The following ZSWIM8 variants were observed in gnomAD, a reference collection of about 807,000 sequenced individuals.
ZSWIM8 encodes the protein zinc finger SWIM domain-containing protein 8.
Under a neutral mutation model 173.7 loss-of-function variants are expected in ZSWIM8, and 27 were observed. That is an observed-to-expected ratio of 0.16 (90% CI 0.11 to 0.21). The LOEUF is 0.21. Among genes scored for constraint, ZSWIM8 ranks in the 10% least tolerant of loss-of-function variants. The pLI is 1.00. For synonymous variants in ZSWIM8, 958 were observed against 962.0 expected, an observed-to-expected ratio of 1.00 and a Z score of 0.08; for missense variants, 1,627 against 2,428.8, an observed-to-expected ratio of 0.67 and a Z score of 6.94.
At chr10:73,787,089 A>G (rs2083254575) in intron 1 of ZSWIM8, among the ~76,000 whole-genome samples, 2 of 151,984 alleles carry the variant, frequency 1.3e-5, no homozygotes. Flanking sequence ...GATTACAGGC[A>G]TGTGTCACCA....
rs565742005 is a variant in ZSWIM8 at position 73,790,487 on chromosome 10, C to G, written c.941+195C>G. 2.2e-4 allele frequency among the ~76,000 whole-genome samples: 33 copies of G among 152,360 alleles called. No homozygotes were observed. The South Asian group carries it at 6.8e-3, about 32-fold the overall frequency. ...TTGTACAGTCACAGAGTGGTCTGCT[C>G]TTACCTAGCAAGAGTTCCTTTTCTT... is the stretch of plus-strand genomic sequence containing the variant. On this transcript the variant is annotated intron_variant, in intron 7 of 25. Coordinates refer to ENST00000604729, the MANE Select transcript of ZSWIM8 (RefSeq NM_001367799.1).
At chr10:73,796,385 G>A (rs977801258) in intron 15 of ZSWIM8, 2 of 421,954 alleles carry the variant, frequency 4.7e-6, no homozygotes, top group African/African-American at 4.2e-5. Context: ...AAAGAAAAGT[G>A]CTCTTCTGCC....
In ZSWIM8 at chr10:73,786,055, C is replaced by A. The variant is rs766830130; in HGVS notation, c.177C>A (p.Gly59=). Residue 59 remains glycine, a synonymous_variant, in exon 1 of 26, where the codon GGC becomes GGA. Transcript: ENST00000604729. ...AGPNSPTGGG[G]GGGSGGTRMR... ...CCAATTCCCCCACTGGCGGCGGTGG[C>A]GGAGGTGGCAGTGGCGGTACCAGAA... 3.1e-6 allele frequency: 5 copies of A among 1,589,908 alleles called. No individual in the cohort carries two copies. Among genetic ancestry groups the A allele is most frequent in the Non-Finnish European group, 4.3e-6 (5 of 1,166,954 alleles).
chr10:73,796,944 T>G lies in ZSWIM8; in HGVS notation c.3204T>G (p.Pro1068=). 6.2e-7 allele frequency: 1 copy of G among 1,613,976 alleles called. No individual in the cohort carries two copies. Among genetic ancestry groups the G allele is most frequent in the Non-Finnish European group, 8.5e-7 (1 of 1,179,842 alleles). Residue 1068 remains proline (P), a synonymous_variant, in exon 16 of 26, where the codon CCT becomes CCG. Transcript: ENST00000604729. Reference sequence around the variant, plus strand: ...CACTGACCTCAGGCTCTGCAGGGCCTGCTCAACCAGGGAGTGTGGCAGGGG... The same window carrying G: ...CACTGACCTCAGGCTCTGCAGGGCCGGCTCAACCAGGGAGTGTGGCAGGGG... ...LQPLTSGSAG[P]AQPGSVAGAG...
chr10:73,800,954 T>A lies in ZSWIM8; in HGVS notation c.5123-63T>A. 6.8e-7 allele frequency: 1 copy of A among 1,462,322 alleles called. No individual in the cohort carries two copies. Among genetic ancestry groups the A allele is most frequent in the Non-Finnish European group, 9.3e-7 (1 of 1,080,812 alleles). 90.6% of individuals were successfully genotyped at this position (1,462,322 alleles called of 1,614,324 possible). Reference sequence around the variant, plus strand: ...TCTGCCAGGCCAGAGCTGAGATCTGTAAGTTGGGTCCCTAGGGCAGAGGTG... The same window carrying A: ...TCTGCCAGGCCAGAGCTGAGATCTGAAAGTTGGGTCCCTAGGGCAGAGGTG... On this transcript the variant is annotated intron_variant, in intron 24 of 25. Coordinates refer to ENST00000604729, the MANE Select transcript of ZSWIM8 (RefSeq NM_001367799.1). This position sits in a 1 kb window ranked among gnomAD's most constrained non-coding sequence, Gnocchi z 4.1.
Position 73,785,831 on chromosome 10 carries a change from G to C in ZSWIM8, c.-48G>C. The C allele has an allele frequency of 2.1e-6, 3 of 1,463,310 alleles. No homozygotes were observed. Among genetic ancestry groups the C allele is most frequent in the Non-Finnish European group, 2.7e-6 (3 of 1,105,666 alleles). The allele number at this position is 1,463,310 out of a possible 1,614,324, so 90.6% of individuals were successfully genotyped here. On this transcript the variant is annotated 5_prime_UTR_variant, in exon 1 of 26. Coordinates refer to ENST00000604729, the MANE Select transcript of ZSWIM8 (RefSeq NM_001367799.1). ...CCCTCAACCCCCGGCCGGCGGCCCA[G>C]GCCCCGGATCCGCGGGGGGGGACCC...
At chr10:73,788,009 T>C (rs2132653570) in intron 1 of ZSWIM8, among the ~76,000 whole-genome samples, 1 of 152,342 alleles carries the variant, frequency 6.6e-6, no homozygotes. Flanking sequence ...TAAAACACTG[T>C]GGAAAACCTT....
rs2083345360 is a variant in ZSWIM8 at position 73,789,629 on chromosome 10, C to G, written c.631-88C>G. 1 of 1,549,412 alleles carries G rather than the reference C, an allele frequency of 6.5e-7. No individual in the cohort carries two copies. The highest frequency in any genetic ancestry group is 1.4e-5 in the African/African-American group (1 of 73,364). ...CCTGGCTACAATGTGAGCCCCCTCG[C>G]CTCGCCTACTCTGCCTCTCTGTCCC... On this transcript the variant is annotated intron_variant, in intron 4 of 25. Transcript: ENST00000604729. The surrounding 1 kb of genome is among the most constrained non-coding windows in gnomAD (Gnocchi z 6.8).
At position 73,797,258 on chromosome 10, in the gene ZSWIM8, G is replaced by A; in HGVS notation, c.3420G>A (p.Lys1140=). The A allele has an allele frequency of 6.2e-7, 1 of 1,613,888 alleles. No individual in the cohort carries two copies. Among genetic ancestry groups the A allele is most frequent in the Non-Finnish European group, 8.5e-7 (1 of 1,179,762 alleles). The part of the protein sequence containing the change: ...GRGWGSPGRP[K]KKHTGMASID... ...GATGGGGGTCCCCAGGACGGCCTAAGAAGAAGCACACAGGTAGGATAGCCT... is the reference window on the plus strand; with the variant it reads ...GATGGGGGTCCCCAGGACGGCCTAAAAAGAAGCACACAGGTAGGATAGCCT... Residue 1140 remains lysine (K), a synonymous_variant, in exon 17 of 26, where the codon AAG becomes AAA. Transcript: ENST00000604729. This position sits in a 1 kb window ranked among gnomAD's most constrained non-coding sequence, Gnocchi z 5.6.
chr10:73,793,846 G>A lies in ZSWIM8; in HGVS notation c.2446-19G>A, dbSNP rs1346733874. 3.1e-6 allele frequency: 5 copies of A among 1,594,758 alleles called. No individual in the cohort carries two copies. Among genetic ancestry groups the A allele is most frequent in the South Asian group, 1.1e-5 (1 of 88,604 alleles). Reference sequence around the variant, plus strand: ...AGTCAGAATCATCTGCCTGTCTCCTGTGTTTCTTCCCTTTCTAGGGCAAGA... The same window carrying A: ...AGTCAGAATCATCTGCCTGTCTCCTATGTTTCTTCCCTTTCTAGGGCAAGA... On this transcript the variant is annotated intron_variant, in intron 11 of 25. Transcript: ENST00000604729.
chr10:73,790,295 A>T lies in ZSWIM8; in HGVS notation c.941+3A>T, dbSNP rs2132675439. ...GGCCCCTCCCCTGTGGTCTTCAGGT[A>T]AATCGGATCTCTGCATACCTGTGTC... On this transcript the variant is annotated splice_donor_region_variant and intron_variant, in intron 7 of 25. Transcript: ENST00000604729. 6.2e-7 allele frequency: 1 copy of T among 1,601,558 alleles called. No individual in the cohort carries two copies. Among genetic ancestry groups the T allele is most frequent in the South Asian group, 1.1e-5 (1 of 88,574 alleles).
At position 73,791,175 on chromosome 10, in the gene ZSWIM8, A is replaced by T; in HGVS notation, c.1142A>T (p.Gln381Leu). 1.3e-6 allele frequency: 2 copies of T among 1,598,516 alleles called. No individual in the cohort carries two copies. The change falls in exon 8 of 26, where the codon CAG becomes CTG. Residue 381 changes from glutamine to leucine, a missense_variant and splice_region_variant. Around this residue, in one of 18 missense-constraint regions of ZSWIM8, gnomAD observed 38 missense variants for 106.1 expected, o/e 0.36. Coordinates refer to ENST00000604729, the MANE Select transcript of ZSWIM8 (RefSeq NM_001367799.1). This position sits in a 1 kb window ranked among gnomAD's most constrained non-coding sequence, Gnocchi z 6.0. Reference sequence around the variant, plus strand: ...ACTGACCAGTGCCTCACCTATGAACAGGTAATCACTCAGCGTTGGGGAGCC... The same window carrying T: ...ACTGACCAGTGCCTCACCTATGAACTGGTAATCACTCAGCGTTGGGGAGCC... ...ILTDQCLTYE[Q>L]ITGWWYSVRT...
In ZSWIM8 at chr10:73,790,153, G is replaced by C; in HGVS notation, c.821-19G>C. ...TCCAGGCCCCTATCTCTAGATGACT[G>C]ACTGCCTGTCATCCTCAGACCCCAC... On this transcript the variant is annotated intron_variant, in intron 6 of 25. Transcript: ENST00000604729. 1 of 1,611,080 alleles carries C rather than the reference G, an allele frequency of 6.2e-7. No homozygotes were observed. The highest frequency in any genetic ancestry group is 1.1e-5 in the South Asian group (1 of 90,602).
rs1445593677 is a variant in ZSWIM8 at position 73,791,275 on chromosome 10, G to C, written c.1144-49G>C. 3.8e-6 allele frequency: 6 copies of C among 1,579,870 alleles called. No individual in the cohort carries two copies. Among genetic ancestry groups the C allele is most frequent in the Non-Finnish European group, 5.2e-6 (6 of 1,156,874 alleles). ...AAATGGACTCTGGGAGGGCTACTCT[G>C]CCTTTCTCTGAGCTCTCAGGTGCAG... On this transcript the variant is annotated intron_variant, in intron 8 of 25. Transcript: ENST00000604729. This position sits in a 1 kb window ranked among gnomAD's most constrained non-coding sequence, Gnocchi z 6.0.
At position 73,798,417 on chromosome 10, in the gene ZSWIM8, T is replaced by C. The variant is rs373812599; in HGVS notation, c.4140T>C (p.Asn1380=). 6.8e-6 allele frequency: 11 copies of C among 1,612,652 alleles called. No individual in the cohort carries two copies. Among genetic ancestry groups the C allele is most frequent in the African/African-American group, 1.3e-5 (1 of 74,986 alleles). ...CLPHAHALNP[N]EIQRALVQCK... is the part of the protein sequence containing the mutation. The stretch of plus-strand genomic sequence containing the variant: ...CTCACGCCCATGCATTGAACCCTAA[T>C]GAGATCCAGCGGGCCCTGGTGCAGT... The change falls in exon 20 of 26, where the codon AAT becomes AAC. Residue 1380 remains asparagine (N), a synonymous_variant. Coordinates refer to ENST00000604729, the MANE Select transcript of ZSWIM8 (RefSeq NM_001367799.1).
chr10:73,790,901 G>T, intron 7 of ZSWIM8, 74 bp from the exon 8 acceptor site: 1 of 1,374,020 alleles, frequency 7.3e-7, no homozygotes, highest in Non-Finnish European at 9.9e-7. Context: ...TCTGTATTTT[G>T]GGGCCGGAAG....
In ZSWIM8 at chr10:73,800,975, AG is replaced by A. The variant is rs1249315418; in HGVS notation, c.5123-40del. 1.3e-6 allele frequency: 2 copies of A among 1,512,222 alleles called. No individual in the cohort carries two copies. Among genetic ancestry groups the A allele is most frequent in the South Asian group, 2.5e-5 (2 of 81,316 alleles). The allele number at this position is 1,512,222 out of a possible 1,614,324, so 93.7% of individuals were successfully genotyped here. On this transcript the variant is annotated intron_variant, in intron 24 of 25. Transcript: ENST00000604729. The surrounding 1 kb of genome is among the most constrained non-coding windows in gnomAD (Gnocchi z 4.1). Reference sequence around the variant, plus strand: ...TCTGTAAGTTGGGTCCCTAGGGCAGAGGTGGCCACCCCCGTCTCATGCCCCT... The same window carrying A: ...TCTGTAAGTTGGGTCCCTAGGGCAGAGTGGCCACCCCCGTCTCATGCCCCT...
At position 73,795,654 on chromosome 10, in the gene ZSWIM8, G is replaced by A. The variant is rs775464928; in HGVS notation, c.3024G>A (p.Lys1008=). 3.7e-6 allele frequency: 6 copies of A among 1,612,828 alleles called. No homozygotes were observed. The Admixed American group carries it at 5.0e-5, about 13-fold the overall frequency. The stretch of plus-strand genomic sequence containing the variant: ...TCACTTACAAGGACGACCAGGCCAA[G>A]CTTAAGAAGGTAAGAGACTGGGGCT... ...LMITYKDDQA[K]LKKILDKLLD... is the part of the protein sequence containing the mutation. Residue 1008 remains lysine, a synonymous_variant, in exon 15 of 26, where the codon AAG becomes AAA. Coordinates refer to ENST00000604729, the MANE Select transcript of ZSWIM8 (RefSeq NM_001367799.1).
chr10:73,797,314 G>A lies in ZSWIM8; in HGVS notation c.3433+43G>A, dbSNP rs1275327236. ...CTAGCATAGAGGGAAGGATAATCCT[G>A]AAGGTTGGAGTCTTAACATCTGGGA... is the stretch of plus-strand genomic sequence containing the variant. On this transcript the variant is annotated intron_variant, in intron 17 of 25. Transcript: ENST00000604729. This position sits in a 1 kb window ranked among gnomAD's most constrained non-coding sequence, Gnocchi z 5.6. The A allele has an allele frequency of 1.9e-6, 3 of 1,613,246 alleles. No individual in the cohort carries two copies. Among genetic ancestry groups the A allele is most frequent in the Non-Finnish European group, 2.5e-6 (3 of 1,179,374 alleles).
Sources: allele counts gnomAD v4.1 joint callset (sites outside exome capture counted in the v4.1 genomes callset), GRCh38; gene constraint gnomAD v4.1.1; regional missense constraint gnomAD v4.1.1; non-coding constraint Gnocchi (gnomAD v3.1); transcripts MANE v1.5; gene names NCBI Gene and HGNC (gene_info 2026-07-23, HGNC 2026-07-21).